Variants in RNASEH2A observed in about 807,000 individuals in gnomAD.
The protein encoded by RNASEH2A is RNase H(35).
RNASEH2A carries 30 observed loss-of-function variants against 32.7 expected under a neutral mutation model. The observed-to-expected ratio is 0.92, with a 90% CI of 0.69 to 1.25. The LOEUF (loss-of-function observed/expected upper bound fraction) is 1.25. Ranked by LOEUF, RNASEH2A falls within the 50% of genes most tolerant of loss-of-function variation. RNASEH2A has a pLI of 0.00. For synonymous variants in RNASEH2A, 147 were observed against 165.4 expected (o/e 0.89, Z 0.86); for missense variants, 409 against 398.1 (o/e 1.03, Z -0.23).
At chr19:12,810,518 G>A in intron 6 of RNASEH2A, 114 bp downstream of exon 6, 2 of 1,001,762 alleles carry the variant, frequency 2.0e-6, no homozygotes, top group Non-Finnish European at 3.0e-6. Flanking sequence ...CTTATTTTTT[G>A]TTTTTATTTG....
Position 12,806,681 on chromosome 19 carries a change from T to C in RNASEH2A, c.8T>C (p.Leu3Pro), listed in dbSNP as rs764685443. 7.0e-6 allele frequency: 11 copies of C among 1,574,818 alleles called. 1 individual carries two copies. Among genetic ancestry groups the C allele is most frequent in the Non-Finnish European group, 6.0e-6 (7 of 1,160,358 alleles). ...GGTGGCGGCTGAGGCGGCATGGATC[T>C]CAGCGAGCTGGAGAGAGACAATACA... MDLSELERDNTGR... is the reference protein window; with the variant it reads MDPSELERDNTGR... Residue 3 changes from leucine to proline, a missense_variant, in exon 1 of 8, where the codon CTC (leucine) becomes CCC (proline). Transcript: ENST00000221486.
At chr19:12,810,809 C>A (rs758753909) in intron 6 of RNASEH2A, among the ~76,000 whole-genome samples, 59 of 152,206 alleles carry the variant, frequency 3.9e-4, no homozygotes, top group Middle Eastern at 3.4e-3. Flanking sequence ...GGATTACAGG[C>A]ATGAGCCACC....
chr19:12,807,593 T>C lies in RNASEH2A; in HGVS notation c.411+87T>C. On this transcript the variant is annotated intron_variant, in intron 4 of 7. Coordinates refer to ENST00000221486, the MANE Select transcript of RNASEH2A (RefSeq NM_006397.3). ...AGTTCGAGACTGCAGTGAGCCATGA[T>C]CATGCCACAGCACTCCATCCTGGGT... 3.6e-6 allele frequency: 4 copies of C among 1,100,084 alleles called. No individual in the cohort carries two copies. The Middle Eastern group carries it at 7.4e-4, about 204-fold the overall frequency. 68.1% of individuals were successfully genotyped at this position (1,100,084 alleles called of 1,614,324 possible). A position where few individuals can be genotyped will look rare whatever the true frequency, so the allele number is the denominator to read the frequency against.
At position 12,806,603 on chromosome 19, in the gene RNASEH2A, G is replaced by A; in HGVS notation, c.-71G>A. On this transcript the variant is annotated 5_prime_UTR_variant, in exon 1 of 8. Coordinates refer to ENST00000221486, the MANE Select transcript of RNASEH2A (RefSeq NM_006397.3). ...GGAAGCAGGCGCCGCTTCGAGGCCC[G>A]CGGAAAACGCGCGCCGAGACCCGCT... is the stretch of plus-strand genomic sequence containing the variant. 6.5e-7 allele frequency: 1 copy of A among 1,548,046 alleles called. No individual in the cohort carries two copies.
rs754899919 is a variant in RNASEH2A, at chr19:12,810,142, G to T, written c.483G>T (p.Glu161Asp). The change falls in exon 5 of 8, where the codon GAG becomes GAT. Residue 161 changes from glutamate (E) to aspartate (D), a missense_variant. Glu to Asp is a conservative substitution (Grantham distance 45). Transcript: ENST00000221486. ...ARLQQSFPGIEVTVKAKADAL... is the reference protein window; with the variant it reads ...ARLQQSFPGIDVTVKAKADAL... ...TGCAGCAAAGTTTTCCCGGGATTGAGGTGACGGTCAAGGCCAAAGCAGATG... is the reference window on the plus strand; with the variant it reads ...TGCAGCAAAGTTTTCCCGGGATTGATGTGACGGTCAAGGCCAAAGCAGATG... 1.2e-6 allele frequency: 2 copies of T among 1,614,220 alleles called. No individual in the cohort carries two copies. Among genetic ancestry groups the T allele is most frequent in the East Asian group, 4.5e-5 (2 of 44,886 alleles).
chr19:12,811,453 A>T (rs895388102), intron 6 of RNASEH2A, among the ~76,000 whole-genome samples: 26 of 151,756 alleles, frequency 1.7e-4, no homozygotes, highest in Non-Finnish European at 8.8e-5. Context: ...TCTATAAAAA[A>T]TTTAAAAAAT....
rs150008398 is a variant in RNASEH2A at position 12,807,469 on chromosome 19, T to C, written c.374T>C (p.Ile125Thr). Residue 125 changes from isoleucine (I) to threonine (T), a missense_variant, in exon 4 of 8, where the codon ATA (isoleucine) becomes ACA (threonine). By Grantham distance (89) the Ile-to-Thr change is moderately conservative. Transcript: ENST00000221486. ...TCACATGATACAGCCACTGGGCTTA[T>C]ACAGTATGCATTGGACCAGGGCGTG... ...SLSHDTATGLIQYALDQGVNV... is the reference protein window; with the variant it reads ...SLSHDTATGLTQYALDQGVNV... The C allele has an allele frequency of 8.5e-5, 137 of 1,614,198 alleles. No homozygotes were observed. The African/African-American group carries it at 1.4e-3, about 17-fold the overall frequency.
intron 4 of RNASEH2A, among the ~76,000 whole-genome samples, chr19:12,809,085 C>T (rs1969036450): frequency 6.6e-6 from 1 of 150,560 alleles, no homozygotes; most frequent in Non-Finnish European, 1.5e-5. Flanking sequence ...GAAAGATGGT[C>T]AGCTGGAGGT....
intron 5 of RNASEH2A, 46 bp from the exon 6 acceptor site, chr19:12,810,271 C>T (rs1283550843): frequency 9.9e-6 from 16 of 1,613,966 alleles, no homozygotes; most frequent in Non-Finnish European, 1.4e-5. Flanking sequence ...CAGGCATGGC[C>T]ACCAAAGGGA....
At chr19:12,810,256 G>A (rs1969054023) in intron 5 of RNASEH2A, 48 bp downstream of exon 5, 2 of 1,614,072 alleles carry the variant, frequency 1.2e-6, no homozygotes, top group East Asian at 2.2e-5. Flanking sequence ...CCACTATATA[G>A]GGGCCAGGCA....
chr19:12,812,551 TA>T (rs1231551373), intron 6 of RNASEH2A, among the ~76,000 whole-genome samples: 3 of 151,678 alleles, frequency 2.0e-5, no homozygotes, highest in Non-Finnish European at 4.4e-5. Flanking sequence ...GTAAATAAAA[TA>T]AAAATGTTTA....
In RNASEH2A at chr19:12,813,204, A is replaced by G. The variant is rs1452556115; in HGVS notation, c.759A>G (p.Ile253Met). ...TGGAGAAAGAGGCGGAAGATGTTAT[A>G]TGGTGGGTGTCATGGATGTCCTGGG... ...TILEKEAEDV[I>M]WEDSASENQE... Residue 253 changes from isoleucine (I) to methionine (M), a missense_variant and splice_region_variant, in exon 7 of 8, where the codon ATA becomes ATG. By Grantham distance (10) the Ile-to-Met change is conservative. Coordinates refer to ENST00000221486, the MANE Select transcript of RNASEH2A (RefSeq NM_006397.3). The G allele has an allele frequency of 3.7e-6, 6 of 1,613,856 alleles. No individual in the cohort carries two copies. The highest frequency in any genetic ancestry group is 2.5e-6 in the Non-Finnish European group (3 of 1,179,978).
chr19:12,807,577 C>A, intron 4 of RNASEH2A, 71 bp downstream of exon 4: 1 of 1,240,348 alleles, frequency 8.1e-7, no homozygotes, highest in Non-Finnish European at 1.2e-6. Context: ...GAGTTCGAGA[C>A]TGCAGTGAGC....
chr19:12,813,400 A>C lies in RNASEH2A; in HGVS notation c.834A>C (p.Gln278His), dbSNP rs767930752. 1 of 1,614,172 alleles carries C rather than the reference A, an allele frequency of 6.2e-7. No individual in the cohort carries two copies. Among genetic ancestry groups the C allele is most frequent in the Admixed American group, 1.7e-5 (1 of 60,010 alleles). ...CCTACTTCCTCAATGAAGGGTCCCA[A>C]GCCCGTCCCCGTTCTTCCCACCGAT... Reference protein sequence around the residue: ...ITSYFLNEGSQARPRSSHRYF... With the variant: ...ITSYFLNEGSHARPRSSHRYF... The change falls in exon 8 of 8, where the codon CAA becomes CAC. Residue 278 changes from glutamine to histidine, a missense_variant. Physicochemically the swap from Gln to His is conservative, Grantham distance 24. Transcript: ENST00000221486.
chr19:12,808,030 C>G (rs140224853), intron 4 of RNASEH2A: 3,445 of 193,844 alleles, frequency 0.018, 38 homozygotes, highest in Non-Finnish European at 0.025. Flanking sequence ...GCAGGCAGAT[C>G]ACCTGAGGTC....
chr19:12,808,549 G>A (rs989002699), intron 4 of RNASEH2A, among the ~76,000 whole-genome samples: 2 of 152,008 alleles, frequency 1.3e-5, no homozygotes, highest in African/African-American at 2.4e-5. Flanking sequence ...GTCGTCTCTC[G>A]TCCCTCACCC....
chr19:12,810,301 C>T lies in RNASEH2A; in HGVS notation c.550-16C>T. ...AAGGGAAGGAGGGAGATTCCAGGTG[C>T]CTGTTTTGCCCACAGGTGGCCCGGG... On this transcript the variant is annotated splice_polypyrimidine_tract_variant and intron_variant, in intron 5 of 7. Coordinates refer to ENST00000221486, the MANE Select transcript of RNASEH2A (RefSeq NM_006397.3). 1 of 1,614,102 alleles carries T rather than the reference C, an allele frequency of 6.2e-7. No homozygotes were observed. The highest frequency in any genetic ancestry group is 8.5e-7 in the Non-Finnish European group (1 of 1,180,000).
chr19:12,807,113 C>A, intron 2 of RNASEH2A, 34 bp downstream of exon 2: 1 of 1,614,074 alleles, frequency 6.2e-7, no homozygotes, highest in East Asian at 2.2e-5. Flanking sequence ...GGAAGGGATT[C>A]CTGGGTATGT....
At chr19:12,811,917 A>AAATAAT (rs60819630) in intron 6 of RNASEH2A, among the ~76,000 whole-genome samples, 3,438 of 148,232 alleles carry the variant, frequency 0.023, 58 homozygotes, top group Middle Eastern at 0.053. Context: ...TTCCATCTCA[A>AAATAAT]AATAATAATA....
Sources: gnomAD v4.1 joint callset for allele counts (sites outside exome capture counted in the v4.1 genomes callset) on GRCh38, gnomAD v4.1.1 for gene constraint, MANE v1.5 for transcripts, NCBI Gene and HGNC (gene_info 2026-07-23, HGNC 2026-07-21) for gene names.